The following INPP5A variants were observed in gnomAD, a reference collection of about 807,000 sequenced individuals.
The protein encoded by INPP5A is 43 kDa inositol polyphosphate 5-phophatase.
In INPP5A, 14 loss-of-function variants were observed where a neutral mutation model predicts 65.2. The observed-to-expected ratio is 0.21, with a 90% CI of 0.14 to 0.34. The LOEUF is 0.34. Ranked by LOEUF, INPP5A falls within the 10% of genes least tolerant of loss-of-function variation. The probability of loss-of-function intolerance (pLI) is 1.00; values close to 1 mark genes in which losing one functional copy is unlikely to be tolerated. For synonymous variants in INPP5A, 207 were observed against 208.3 expected (o/e 0.99, Z 0.05); for missense variants, 431 against 545.6 (o/e 0.79, Z 2.09).
At chr10:132,658,346 G>T (rs572334025) in intron 4 of INPP5A, among the ~76,000 whole-genome samples, 1 of 152,114 alleles carries the variant, frequency 6.6e-6, no homozygotes, top group Non-Finnish European at 1.5e-5. Flanking sequence ...GGCTTATGAG[G>T]TGCTCCTAAT....
intron 11 of INPP5A, among the ~76,000 whole-genome samples, chr10:132,755,091 A>G (rs1157811013): frequency 6.6e-6 from 1 of 151,556 alleles, no homozygotes; most frequent in East Asian, 1.9e-4. Flanking sequence ...GTGCATATGC[A>G]TGTGAGCAGG....
In INPP5A at chr10:132,707,335, C is replaced by T. The variant is rs1845552525; in HGVS notation, c.475-978C>T. Among the ~76,000 whole-genome samples, 1 of 145,832 alleles carries T rather than the reference C, an allele frequency of 6.9e-6. No homozygotes were observed. The highest frequency in any genetic ancestry group is 7.0e-5 in the Admixed American group (1 of 14,378). ...GCCCTGCCCTGTTGGCTGCCGTTCC[C>T]CCGCCACTGCCTGAAGCGCTTTGCT... On this transcript the variant is annotated intron_variant, in intron 6 of 15. Transcript: ENST00000368594. This position sits in a 1 kb window ranked among gnomAD's most constrained non-coding sequence, Gnocchi z 5.5.
chr10:132,768,344 A>G (rs1235098189), intron 12 of INPP5A, among the ~76,000 whole-genome samples: 4 of 128,636 alleles, frequency 3.1e-5, no homozygotes, highest in East Asian at 2.6e-4. Flanking sequence ...AGAAAGATCC[A>G]TGGACCCCGA....
intron 12 of INPP5A, 45 bp from the exon 13 acceptor site, chr10:132,777,626 C>T (rs776498728): frequency 6.4e-6 from 10 of 1,572,186 alleles, no homozygotes; most frequent in Non-Finnish European, 7.0e-6. Flanking sequence ...GGGCTGAGGA[C>T]GGCCCGAGCC....
chr10:132,756,066 G>A (rs1298536535), intron 11 of INPP5A, among the ~76,000 whole-genome samples: 1 of 152,210 alleles, frequency 6.6e-6, no homozygotes, highest in Non-Finnish European at 1.5e-5. Flanking sequence ...TCATTGGGTG[G>A]TCAGATTTGC....
At position 132,743,199 on chromosome 10, in the gene INPP5A, G is replaced by A. The variant is rs1419554639; in HGVS notation, c.733-6318G>A. Among the ~76,000 whole-genome samples, 9 of 141,028 alleles carry A rather than the reference G, an allele frequency of 6.4e-5. No homozygotes were observed. The East Asian group carries it at 1.6e-3, about 25-fold the overall frequency. 92.5% of individuals were successfully genotyped at this position (141,028 alleles called of 152,430 possible). Reference sequence around the variant, plus strand: ...GAGTGAGGGCAGCCCACCCACCAGCGCTGCACTCAGCCCCAGCAGGGACCG... The same window carrying A: ...GAGTGAGGGCAGCCCACCCACCAGCACTGCACTCAGCCCCAGCAGGGACCG... On this transcript the variant is annotated intron_variant, in intron 9 of 15. Transcript: ENST00000368594.
intron 9 of INPP5A, among the ~76,000 whole-genome samples, chr10:132,742,217 C>T (rs1846287047): frequency 1.3e-5 from 2 of 152,252 alleles, no homozygotes; most frequent in South Asian, 4.1e-4. Flanking sequence ...AGGTGAGTCC[C>T]GTGTGAACAC....
intron 1 of INPP5A, among the ~76,000 whole-genome samples, chr10:132,553,792 C>G (rs1410152173): frequency 7.1e-6 from 1 of 141,782 alleles, no homozygotes; most frequent in Non-Finnish European, 1.5e-5. Context: ...GATTGGTGAA[C>G]GCCTTCTCAG....
chr10:132,708,445 A>G (rs1845575943), intron 7 of INPP5A, 80 bp downstream of exon 7: 1 of 1,357,332 alleles, frequency 7.4e-7, no homozygotes, highest in Non-Finnish European at 1.1e-6. Context: ...TGTTCCACAC[A>G]CCTCATTGGA....
At chr10:132,671,397 TGGACTCCGCCCTCCCTGCTTC>T (rs1564958029) in intron 4 of INPP5A, among the ~76,000 whole-genome samples, 79 of 76,932 alleles carry the variant, frequency 1.0e-3, no homozygotes, top group South Asian at 3.6e-3. Flanking sequence ...CTCCCTGCTC[TGGACTCCGCCCTCCCTGCTTC>T]GGACTCCGCC....
chr10:132,657,525 A>C (rs1218206185), intron 4 of INPP5A, among the ~76,000 whole-genome samples: 1 of 152,168 alleles, frequency 6.6e-6, no homozygotes, highest in East Asian at 1.9e-4. Flanking sequence ...GGCTCTCGGC[A>C]TGGCCCCCAG....
rs545054232 is a variant in INPP5A at position 132,708,243 on chromosome 10, G to C, written c.475-70G>C. 4.4e-6 allele frequency: 6 copies of C among 1,353,074 alleles called. No individual in the cohort carries two copies. In the South Asian group the frequency reaches 4.8e-5, roughly 11 times the overall value. The allele number at this position is 1,353,074 out of a possible 1,614,324, so 83.8% of individuals were successfully genotyped here. ...GGAAAGCATCTCCTGTGTCCTTTAG[G>C]TGTGTGGGACCCACGTGTTGCTCTT... On this transcript the variant is annotated intron_variant, in intron 6 of 15. Coordinates refer to ENST00000368594, the MANE Select transcript of INPP5A (RefSeq NM_005539.5).
chr10:132,608,935 A>ACAGCCAGG (rs1223317820), intron 2 of INPP5A, among the ~76,000 whole-genome samples: 1 of 152,084 alleles, frequency 6.6e-6, no homozygotes, highest in Non-Finnish European at 1.5e-5. Context: ...TGGAGCTGGG[A>ACAGCCAGG]CAGCCAGGAG....
At position 132,545,618 on chromosome 10, in the gene INPP5A, A is replaced by C. The variant is rs1163184120; in HGVS notation, c.75+7447A>C. Among the ~76,000 whole-genome samples, 1 of 152,224 alleles carries C rather than the reference A, an allele frequency of 6.6e-6. No individual in the cohort carries two copies. Among genetic ancestry groups the C allele is most frequent in the Non-Finnish European group, 1.5e-5 (1 of 68,032 alleles). ...GCCTTAGGGGAAGAGGGTGCGGAAC[A>C]GGCAGGCTGTTCCCATGCGGACCTG... On this transcript the variant is annotated intron_variant, in intron 1 of 15. Transcript: ENST00000368594. This position sits in a 1 kb window ranked among gnomAD's most constrained non-coding sequence, Gnocchi z 4.6.
chr10:132,573,853 T>G (rs1193057843), intron 1 of INPP5A, among the ~76,000 whole-genome samples: 44 of 112,596 alleles, frequency 3.9e-4, no homozygotes, highest in African/African-American at 4.8e-4. Context: ...GTGTGCTGTG[T>G]GAGGTTTTGT....
chr10:132,776,538 T>C (rs921846425), intron 12 of INPP5A, among the ~76,000 whole-genome samples: 1 of 152,146 alleles, frequency 6.6e-6, no homozygotes, highest in Non-Finnish European at 1.5e-5. Flanking sequence ...ACAGGTGCTG[T>C]ATGATATTTT....
chr10:132,653,144 G>C (rs1048214146), intron 4 of INPP5A, among the ~76,000 whole-genome samples: 4 of 152,246 alleles, frequency 2.6e-5, no homozygotes, highest in Non-Finnish European at 5.9e-5. Context: ...GCCTGGCTGG[G>C]ATACCTGAGA....
chr10:132,741,777 G>A lies in INPP5A; in HGVS notation c.733-7740G>A, dbSNP rs543412149. 1.7e-5 allele frequency among the ~76,000 whole-genome samples: 1 copy of A among 60,430 alleles called. No homozygotes were observed. The highest frequency in any genetic ancestry group is 4.2e-5 in the Non-Finnish European group (1 of 23,670). 39.6% of individuals were successfully genotyped at this position (60,430 alleles called of 152,430 possible). ...TAAACTGAGGTGGACGTCAGTGTCC[G>A]CGTCCGCTTGCTTTACTCAATAGCC... On this transcript the variant is annotated intron_variant, in intron 9 of 15. Transcript: ENST00000368594. This position sits in a 1 kb window ranked among gnomAD's most constrained non-coding sequence, Gnocchi z 4.4.
intron 4 of INPP5A, among the ~76,000 whole-genome samples, chr10:132,685,968 C>T (rs921710318): frequency 1.4e-4 from 22 of 152,220 alleles, no homozygotes; most frequent in Admixed American, 4.6e-4. Context: ...CTTCACTAGC[C>T]GCCCCTGTGA....
Sources: allele counts gnomAD v4.1 joint callset (sites outside exome capture counted in the v4.1 genomes callset), GRCh38; gene constraint gnomAD v4.1.1; non-coding constraint Gnocchi (gnomAD v3.1); transcripts MANE v1.5; gene names NCBI Gene and HGNC (gene_info 2026-07-23, HGNC 2026-07-21).